The following QSER1 variants were observed in gnomAD, a reference collection of about 807,000 sequenced individuals.
QSER1 encodes glutamine and serine-rich protein 1.
A neutral mutation model predicts 158.5 loss-of-function variants in QSER1; 49 were observed. The observed-to-expected ratio is 0.31, with a 90% CI of 0.25 to 0.39. The LOEUF is 0.39. Ranked by LOEUF, QSER1 falls within the 10% of genes least tolerant of loss-of-function variation. The pLI, the probability that QSER1 is intolerant of heterozygous loss-of-function variation, is 1.00. For missense variants in QSER1, 1,754 were observed against 2,010.3 expected, an observed-to-expected ratio of 0.87 and a Z score of 2.44; for synonymous variants, 650 against 715.5, an observed-to-expected ratio of 0.91 and a Z score of 1.46.
chr11:32,915,848 A>C (rs1182611349), intron 1 of QSER1, among the ~76,000 whole-genome samples: 1 of 152,094 alleles, frequency 6.6e-6, no homozygotes, highest in African/African-American at 2.4e-5. Context: ...TCTAGAAACC[A>C]CCTTCTTTTG....
At position 32,934,807 on chromosome 11, in the gene QSER1, A is replaced by G; in HGVS notation, c.3549A>G (p.Ala1183=). 1 of 1,614,092 alleles carries G rather than the reference A, an allele frequency of 6.2e-7. No individual in the cohort carries two copies. Among genetic ancestry groups the G allele is most frequent in the East Asian group, 2.2e-5 (1 of 44,884 alleles). The change falls in exon 4 of 13, where the codon GCA becomes GCG. Residue 1183 remains alanine (A), a synonymous_variant. Coordinates refer to ENST00000650167, the MANE Select transcript of QSER1 (RefSeq NM_001076786.3). ...ALLAMAQSGD[A]VSVKIEEENQ... is the part of the protein sequence containing the mutation. ...TGGCCATGGCCCAATCTGGGGATGC[A>G]GTCAGTGTCAAGATTGAAGAAGAAA...
intron 3 of QSER1, among the ~76,000 whole-genome samples, chr11:32,930,132 T>C (rs1350834475): frequency 1.3e-5 from 2 of 152,200 alleles, no homozygotes; most frequent in Non-Finnish European, 2.9e-5. Flanking sequence ...TGTTTACTTA[T>C]TATGTTTTAA....
chr11:32,970,459 T>C (rs1311306441), intron 10 of QSER1, among the ~76,000 whole-genome samples: 1 of 152,150 alleles, frequency 6.6e-6, no homozygotes, highest in Non-Finnish European at 1.5e-5. Flanking sequence ...GGCTGGAGTC[T>C]AGTGGTGTGA....
intron 1 of QSER1, among the ~76,000 whole-genome samples, chr11:32,917,231 A>G (rs1257355353): frequency 1.3e-5 from 2 of 152,196 alleles, no homozygotes; most frequent in Non-Finnish European, 2.9e-5. Context: ...TTGTTTGACT[A>G]CATCACGTTT....
At chr11:32,963,571 T>C (rs1331235917) in intron 8 of QSER1, among the ~76,000 whole-genome samples, 2 of 152,138 alleles carry the variant, frequency 1.3e-5, no homozygotes, top group Non-Finnish European at 2.9e-5. Flanking sequence ...CAGGTTGGTC[T>C]TGAATGCTTG....
chr11:32,931,730 C>T lies in QSER1; in HGVS notation c.485-13C>T, dbSNP rs200363981. On this transcript the variant is annotated splice_polypyrimidine_tract_variant and intron_variant, in intron 3 of 12. Transcript: ENST00000650167. Reference sequence around the variant, plus strand: ...CATAATTACATAAAAATCTTTGTGCCTTTTCTTCATAGGCATGCATTCCTC... The same window carrying T: ...CATAATTACATAAAAATCTTTGTGCTTTTTCTTCATAGGCATGCATTCCTC... 2.2e-3 allele frequency: 3,451 copies of T among 1,553,610 alleles called. 4 individuals carry two copies. Among genetic ancestry groups the T allele is most frequent in the Non-Finnish European group, 2.3e-3 (2,698 of 1,153,690 alleles).
At chr11:32,920,883 T>G (rs142542854) in intron 1 of QSER1, among the ~76,000 whole-genome samples, 1 of 152,300 alleles carries the variant, frequency 6.6e-6, no homozygotes, top group East Asian at 1.9e-4. Flanking sequence ...AAATTATAAC[T>G]TATACTTTGC....
chr11:32,902,656 T>A (rs1851640075), intron 1 of QSER1, among the ~76,000 whole-genome samples: 1 of 152,130 alleles, frequency 6.6e-6, no homozygotes, highest in South Asian at 2.1e-4. Context: ...ACTGGACATG[T>A]GTATAGAGAC....
At chr11:32,948,612 G>T (rs1038435815) in intron 4 of QSER1, among the ~76,000 whole-genome samples, 1 of 152,140 alleles carries the variant, frequency 6.6e-6, no homozygotes, top group African/African-American at 2.4e-5. Context: ...CTGGGTGACA[G>T]AGCTAGATGC....
intron 1 of QSER1, among the ~76,000 whole-genome samples, chr11:32,900,667 A>G (rs181393686): frequency 3.0e-4 from 45 of 152,238 alleles, no homozygotes; most frequent in African/African-American, 9.9e-4. Flanking sequence ...ACCATCCTTC[A>G]GCCATACTGG....
chr11:32,974,895 G>A (rs1247890800), intron 11 of QSER1, among the ~76,000 whole-genome samples: 2 of 151,970 alleles, frequency 1.3e-5, no homozygotes, highest in Non-Finnish European at 2.9e-5. Context: ...TATACCTGGG[G>A]GAAAACATTA....
chr11:32,916,128 C>T (rs553068573), intron 1 of QSER1, among the ~76,000 whole-genome samples: 3 of 152,014 alleles, frequency 2.0e-5, no homozygotes, highest in South Asian at 2.1e-4. Flanking sequence ...CTCCAACTCC[C>T]GACCTCAGGT....
At chr11:32,925,494 T>TTTTTA (rs1554926205) in intron 1 of QSER1, among the ~76,000 whole-genome samples, 8 of 143,568 alleles carry the variant, frequency 5.6e-5, no homozygotes, top group African/African-American at 1.0e-4. Context: ...TACATCGCTT[T>TTTTTA]TTTATTTATT....
chr11:32,919,477 C>G (rs571560430), intron 1 of QSER1, among the ~76,000 whole-genome samples: 30 of 152,218 alleles, frequency 2.0e-4, no homozygotes, highest in African/African-American at 6.7e-4. Flanking sequence ...ATGTTTAGAC[C>G]GGTGTTACTG....
chr11:32,955,386 C>A lies in QSER1; in HGVS notation c.4591C>A (p.Gln1531Lys). 1 of 1,588,826 alleles carries A rather than the reference C, an allele frequency of 6.3e-7. No individual in the cohort carries two copies. Among genetic ancestry groups the A allele is most frequent in the Non-Finnish European group, 8.6e-7 (1 of 1,166,422 alleles). The change falls in exon 6 of 13, where the codon CAA (glutamine) becomes AAA (lysine). Residue 1531 changes from glutamine (Q) to lysine (K), a missense_variant. By Grantham distance (53) the Gln-to-Lys change is moderately conservative. This residue lies in a region of QSER1 where 1,707 missense variants were observed against 1,919.6 expected (regional missense o/e 0.89). Transcript: ENST00000650167. The stretch of plus-strand genomic sequence containing the variant: ...ATTTGTTCCTGAAATTCGAGATGGT[C>A]AAAGAGAATTTGCTGCTACAAATAG... ...QKFVPEIRDGQREFAATNSYL... is the reference protein window; with the variant it reads ...QKFVPEIRDGKREFAATNSYL...
In QSER1 at chr11:32,977,738, T is replaced by C. The variant is rs1853002748; in HGVS notation, c.*1264T>C. The C allele has an allele frequency of 6.6e-6, 1 of 152,632 alleles. No individual in the cohort carries two copies. Among genetic ancestry groups the C allele is most frequent in the African/African-American group, 2.4e-5 (1 of 41,452 alleles). The allele number at this position is 152,632 out of a possible 1,614,324, so 9.5% of individuals were successfully genotyped here. Reference sequence around the variant, plus strand: ...AACATGACCTTGTGTTTTATTTGTGTTTGCCAACAGGATGCCTTATTTGTT... The same window carrying C: ...AACATGACCTTGTGTTTTATTTGTGCTTGCCAACAGGATGCCTTATTTGTT... On this transcript the variant is annotated 3_prime_UTR_variant, in exon 13 of 13. Transcript: ENST00000650167.
rs1590193522 is a variant in QSER1, at chr11:32,978,437, C to T, written c.*1963C>T. ...CTAATGTGGCATTGTAAATATACAT[C>T]TTTATATTACTCTTCCAGCCTACGT... On this transcript the variant is annotated 3_prime_UTR_variant, in exon 13 of 13. Transcript: ENST00000650167. 2 of 152,248 alleles carry T rather than the reference C, an allele frequency of 1.3e-5. No individual in the cohort carries two copies. The highest frequency in any genetic ancestry group is 6.8e-3 in the Middle Eastern group (2 of 294). The allele number at this position is 152,248 out of a possible 1,614,324, so 9.4% of individuals were successfully genotyped here.
At position 32,933,142 on chromosome 11, in the gene QSER1, C is replaced by G; in HGVS notation, c.1884C>G (p.Ser628=). 6.2e-7 allele frequency: 1 copy of G among 1,613,220 alleles called. No homozygotes were observed. Among genetic ancestry groups the G allele is most frequent in the Non-Finnish European group, 8.5e-7 (1 of 1,179,724 alleles). Residue 628 remains serine (S), a synonymous_variant, in exon 4 of 13, where the codon TCC becomes TCG. Coordinates refer to ENST00000650167, the MANE Select transcript of QSER1 (RefSeq NM_001076786.3). ...PTQNYISMHS[S]QNVQTQESSS... ...AGAATTATATTTCTATGCATTCTTC[C>G]CAAAATGTTCAGACTCAAGAGTCAT... is the stretch of plus-strand genomic sequence containing the variant.
intron 4 of QSER1, among the ~76,000 whole-genome samples, chr11:32,953,190 ATTACT>A (rs1852452987): frequency 6.7e-6 from 1 of 149,262 alleles, no homozygotes; most frequent in Non-Finnish European, 1.5e-5. Flanking sequence ...TTTTCATAGT[ATTACT>A]TTATAATCAT....
Sources: gnomAD v4.1 joint callset for allele counts (sites outside exome capture counted in the v4.1 genomes callset) on GRCh38, gnomAD v4.1.1 for gene constraint, gnomAD v4.1.1 regional missense constraint, MANE v1.5 for transcripts, NCBI Gene and HGNC (gene_info 2026-07-23, HGNC 2026-07-21) for gene names.